CA10: variants seen among roughly 807,000 people sequenced by gnomAD.
CA10 encodes the protein carbonic anhydrase-related protein 10.
Under a neutral mutation model 44.2 loss-of-function variants are expected in CA10, and 14 were observed. The observed-to-expected ratio is 0.32, with a 90% CI of 0.21 to 0.50. The LOEUF (loss-of-function observed/expected upper bound fraction) is 0.50. Ranked by LOEUF, CA10 falls within the 20% of genes least tolerant of loss-of-function variation. CA10 has a pLI of 0.99. For missense variants in CA10, 350 were observed against 409.7 expected, an observed-to-expected ratio of 0.85 and a Z score of 1.26; for synonymous variants, 159 against 141.6, an observed-to-expected ratio of 1.12 and a Z score of -0.87.
intron 3 of CA10, among the ~76,000 whole-genome samples, chr17:51,829,001 G>C (rs188288665): frequency 6.6e-6 from 1 of 152,278 alleles, no homozygotes; most frequent in Non-Finnish European, 1.5e-5. Flanking sequence ...TAAGATGTCT[G>C]GTTGTTACTT....
intron 3 of CA10, among the ~76,000 whole-genome samples, chr17:51,830,901 A>G (rs981578): frequency 0.42 from 63,970 of 151,986 alleles, 14,269 homozygotes; most frequent in African/African-American, 0.56. Flanking sequence ...AGACTCCTTC[A>G]CAGCTAGACC....
intron 2 of CA10, among the ~76,000 whole-genome samples, chr17:52,057,100 C>T (rs2143075083): frequency 6.6e-6 from 1 of 152,166 alleles, no homozygotes; most frequent in African/African-American, 2.4e-5. Flanking sequence ...TTAGAGTTTC[C>T]CCCATCAAAT....
intron 3 of CA10, among the ~76,000 whole-genome samples, chr17:51,864,116 T>A (rs1320064491): frequency 6.6e-6 from 1 of 152,266 alleles, no homozygotes; most frequent in East Asian, 1.9e-4. Flanking sequence ...GAGCCCACCA[T>A]GAGTCACCTC....
At chr17:51,987,944 GAATA>G in intron 2 of CA10, among the ~76,000 whole-genome samples, 1 of 152,052 alleles carries the variant, frequency 6.6e-6, no homozygotes, top group Admixed American at 6.6e-5. Flanking sequence ...GTTATAGAAA[GAATA>G]AATGGTAAAA....
At chr17:51,656,290 G>T (rs1913789726) in intron 4 of CA10, among the ~76,000 whole-genome samples, 1 of 152,202 alleles carries the variant, frequency 6.6e-6, no homozygotes, top group Admixed American at 6.5e-5. Flanking sequence ...AAGGCAGGAA[G>T]AAGTCTCCTG....
chr17:51,928,211 TTATATACAA>T (rs1231376919), intron 3 of CA10, among the ~76,000 whole-genome samples: 1 of 152,160 alleles, frequency 6.6e-6, no homozygotes, highest in East Asian at 1.9e-4. Flanking sequence ...CTGAAGGTAA[TTATATACAA>T]TATTTTAAAT....
intron 3 of CA10, among the ~76,000 whole-genome samples, chr17:51,841,406 C>A (rs1978318771): frequency 6.6e-6 from 1 of 152,158 alleles, no homozygotes; most frequent in Non-Finnish European, 1.5e-5. Flanking sequence ...CAAAAGAGTG[C>A]ATCTTCTTTG....
chr17:51,922,826 T>G (rs185342389), intron 3 of CA10, among the ~76,000 whole-genome samples: 1 of 152,296 alleles, frequency 6.6e-6, no homozygotes, highest in East Asian at 1.9e-4. Flanking sequence ...TTTTTCTTTT[T>G]TTAACCTTGC....
At chr17:51,892,825 A>C (rs1598103948) in intron 3 of CA10, among the ~76,000 whole-genome samples, 1 of 152,172 alleles carries the variant, frequency 6.6e-6, no homozygotes, top group Admixed American at 6.6e-5. Flanking sequence ...ATTTTAGCAC[A>C]ATGGGGAAAA....
chr17:51,780,261 G>C (rs1906004952), intron 3 of CA10, among the ~76,000 whole-genome samples: 1 of 152,312 alleles, frequency 6.6e-6, no homozygotes, highest in South Asian at 2.1e-4. Context: ...TTTAGGGCAG[G>C]GAGGGACATT....
intron 1 of CA10, among the ~76,000 whole-genome samples, chr17:52,105,498 G>A (rs1040083495): frequency 6.6e-6 from 1 of 152,114 alleles, no homozygotes; most frequent in Non-Finnish European, 1.5e-5. Flanking sequence ...CTCGTGATCT[G>A]CCCGCCCTGG....
chr17:52,126,290 G>A (rs1989117995), intron 1 of CA10, among the ~76,000 whole-genome samples: 1 of 152,242 alleles, frequency 6.6e-6, no homozygotes, highest in African/African-American at 2.4e-5. Context: ...GAATAGAAAT[G>A]CATTTTTGAA....
intron 3 of CA10, among the ~76,000 whole-genome samples, chr17:51,831,678 G>GCAGCAGCAGCAGCAGCAGCATCAGCAT (rs1555604036): frequency 1.8e-4 from 9 of 49,086 alleles, no homozygotes; most frequent in African/African-American, 5.5e-4. Flanking sequence ...AGCAGCAGCA[G>GCAGCAGCAGCAGCAGCAGCATCAGCAT]CAGCAGCAGC....
intron 4 of CA10, among the ~76,000 whole-genome samples, chr17:51,732,900 T>C (rs1322415820): frequency 6.6e-6 from 1 of 152,200 alleles, no homozygotes; most frequent in Non-Finnish European, 1.5e-5. Context: ...AAGGCCGTCA[T>C]GCAGAGATGG....
chr17:51,674,659 C>T (rs758801448), intron 4 of CA10, among the ~76,000 whole-genome samples: 3 of 152,152 alleles, frequency 2.0e-5, no homozygotes, highest in Non-Finnish European at 2.9e-5. Context: ...TATGGCTTTT[C>T]TCACCGCAGT....
At chr17:51,971,250 A>G (rs1984270873) in intron 2 of CA10, among the ~76,000 whole-genome samples, 2 of 152,096 alleles carry the variant, frequency 1.3e-5, no homozygotes, top group Non-Finnish European at 2.9e-5. Context: ...CTCCGAGCTT[A>G]CAGTTTCTTA....
chr17:52,046,685 C>G (rs930864460), intron 2 of CA10, among the ~76,000 whole-genome samples: 1 of 151,684 alleles, frequency 6.6e-6, no homozygotes. Context: ...TTTCAGAAAC[C>G]AGACACAGAA....
chr17:51,939,797 TA>T (rs1567892972), intron 2 of CA10, among the ~76,000 whole-genome samples: 1 of 152,108 alleles, frequency 6.6e-6, no homozygotes, highest in African/African-American at 2.4e-5. Context: ...ATGGAGATAT[TA>T]ACCTTTTGTG....
chr17:51,943,989 A>C (rs942622729), intron 2 of CA10, among the ~76,000 whole-genome samples: 3 of 152,102 alleles, frequency 2.0e-5, no homozygotes, highest in African/African-American at 7.2e-5. Flanking sequence ...TGGGGTTAGT[A>C]AAATTTCACT....
Sources: gnomAD v4.1 joint callset for allele counts (sites outside exome capture counted in the v4.1 genomes callset) on GRCh38, gnomAD v4.1.1 for gene constraint, MANE v1.5 for transcripts, NCBI Gene and HGNC (gene_info 2026-07-23, HGNC 2026-07-21) for gene names.